CD70: variants seen among roughly 807,000 people sequenced by gnomAD.
CD70 encodes the protein CD70 antigen.
CD70 carries 6 observed loss-of-function variants against 9.0 expected under a neutral mutation model. The ratio of observed to expected loss-of-function variants is 0.67; its 90% CI spans 0.37 to 1.32. The LOEUF (loss-of-function observed/expected upper bound fraction) is 1.32. Among genes scored for constraint, CD70 ranks in the 40% most tolerant of loss-of-function variants. The pLI is 0.02. For missense variants in CD70, 235 were observed against 258.7 expected (o/e 0.91, Z 0.63); for synonymous variants, 108 against 112.3 (o/e 0.96, Z 0.24).
intron 2 of CD70, among the ~76,000 whole-genome samples, chr19:6,588,993 CA>C (rs1291601385): frequency 6.6e-6 from 1 of 152,130 alleles, no homozygotes; most frequent in Non-Finnish European, 1.5e-5. Flanking sequence ...CGTTTACTAA[CA>C]AAACCCCTTT....
At position 6,590,207 on chromosome 19, in the gene CD70, GCT is replaced by G; in HGVS notation, c.163-73_163-72del. ...GTTCTATGTGTCCCCTGTGCCAGGAGCTCTCTTTTCTCTGTCCATCCTCCTTT... is the reference window on the plus strand; with the variant it reads ...GTTCTATGTGTCCCCTGTGCCAGGAGCTCTTTTCTCTGTCCATCCTCCTTT... On this transcript the variant is annotated intron_variant, in intron 1 of 2. Transcript: ENST00000245903. The surrounding 1 kb of genome is among the most constrained non-coding windows in gnomAD (Gnocchi z 5.3). The G allele has an allele frequency of 1.6e-6, 2 of 1,256,710 alleles. No homozygotes were observed. The highest frequency in any genetic ancestry group is 1.2e-6 in the Non-Finnish European group (1 of 853,516). 77.8% of individuals were successfully genotyped at this position (1,256,710 alleles called of 1,614,324 possible).
Position 6,590,062 on chromosome 19 carries a change from T to G in CD70, c.196+41A>C, listed in dbSNP as rs1314250954. The G allele has an allele frequency of 6.4e-7, 1 of 1,567,366 alleles. No individual in the cohort carries two copies. The highest frequency in any genetic ancestry group is 8.8e-7 in the Non-Finnish European group (1 of 1,139,544). ...CTACCTCTCCTTCCTTCTCTCTCTG[T>G]GCCTCTTCTTCTCCCCGTCCCTCCA... On this transcript the variant is annotated intron_variant, in intron 2 of 2. Transcript: ENST00000245903. This position sits in a 1 kb window ranked among gnomAD's most constrained non-coding sequence, Gnocchi z 5.3.
In CD70 at chr19:6,591,095, G is replaced by A. The variant is rs1916149982; in HGVS notation, c.-93C>T. ...GGAAGGAAACTGCAGCCCCCTCCCG[G>A]GGCTCCTGGGCGTCTACTTGCTTCA... On this transcript the variant is annotated 5_prime_UTR_variant, in exon 1 of 3. Coordinates refer to ENST00000245903, the MANE Select transcript of CD70 (RefSeq NM_001252.5). The A allele has an allele frequency of 7.4e-7, 1 of 1,347,148 alleles. No homozygotes were observed. Among genetic ancestry groups the A allele is most frequent in the Non-Finnish European group, 9.9e-7 (1 of 1,014,236 alleles). The allele number at this position is 1,347,148 out of a possible 1,614,324, so 83.4% of individuals were successfully genotyped here.
chr19:6,590,302 T>C lies in CD70; in HGVS notation c.163-166A>G, dbSNP rs1326114422. 1.3e-5 allele frequency among the ~76,000 whole-genome samples: 2 copies of C among 152,124 alleles called. No individual in the cohort carries two copies. The highest frequency in any genetic ancestry group is 2.9e-5 in the Non-Finnish European group (2 of 68,022). On this transcript the variant is annotated intron_variant, in intron 1 of 2. Coordinates refer to ENST00000245903, the MANE Select transcript of CD70 (RefSeq NM_001252.5). This position sits in a 1 kb window ranked among gnomAD's most constrained non-coding sequence, Gnocchi z 5.3. ...TTTATTTTTTTTTACTCTTAAGACTTCTTAAAGAGGAAGCAGGTCTGAACC... is the reference window on the plus strand; with the variant it reads ...TTTATTTTTTTTTACTCTTAAGACTCCTTAAAGAGGAAGCAGGTCTGAACC...
In CD70 at chr19:6,590,838, CACCCCAA is replaced by C. The variant is rs1177721094; in HGVS notation, c.158_162+2del. On this transcript the variant is annotated splice_donor_variant and coding_sequence_variant, in exon 1 of 3. Coordinates refer to ENST00000245903, the MANE Select transcript of CD70 (RefSeq NM_001252.5). LOFTEE classifies it high-confidence loss of function. The surrounding 1 kb of genome is among the most constrained non-coding windows in gnomAD (Gnocchi z 5.3). ...TCTTCCCAACTTTTCCATCTCAACT[CACCCCAA>C]GTGACTCGAGCGGCAGCTGCTGCTG... is the stretch of plus-strand genomic sequence containing the variant. 6.2e-7 allele frequency: 1 copy of C among 1,611,138 alleles called. No individual in the cohort carries two copies. The highest frequency in any genetic ancestry group is 8.5e-7 in the Non-Finnish European group (1 of 1,178,592).
chr19:6,586,723 C>G (rs1031890141), intron 2 of CD70, among the ~76,000 whole-genome samples: 3 of 151,694 alleles, frequency 2.0e-5, no homozygotes, highest in Admixed American at 2.0e-4. Flanking sequence ...TCGCTTGAGC[C>G]TGGGAGGCTG....
At chr19:6,589,120 G>A (rs920072049) in intron 2 of CD70, among the ~76,000 whole-genome samples, 3 of 150,272 alleles carry the variant, frequency 2.0e-5, no homozygotes, top group East Asian at 1.9e-4. Context: ...TCTCTCTCTC[G>A]TTCTCTCCCT....
At chr19:6,587,429 T>TGA (rs1413916708) in intron 2 of CD70, among the ~76,000 whole-genome samples, 1 of 149,458 alleles carries the variant, frequency 6.7e-6, no homozygotes, top group Non-Finnish European at 1.5e-5. Context: ...AGTGTGTGTG[T>TGA]GAGAGAGGAT....
chr19:6,585,881 A>G lies in CD70; in HGVS notation c.*139T>C. The G allele has an allele frequency of 5.0e-6, 3 of 602,112 alleles. No homozygotes were observed. The South Asian group carries it at 7.3e-5, about 15-fold the overall frequency. 37.3% of individuals were successfully genotyped at this position (602,112 alleles called of 1,614,324 possible). A position where few individuals can be genotyped will look rare whatever the true frequency, so the allele number is the denominator to read the frequency against. Reference sequence around the variant, plus strand: ...AATAGGAAAATGAAAGAAAAAGCTCAATGCCTTCTCTTGTCCTGCCACCAC... The same window carrying G: ...AATAGGAAAATGAAAGAAAAAGCTCGATGCCTTCTCTTGTCCTGCCACCAC... On this transcript the variant is annotated 3_prime_UTR_variant, in exon 3 of 3. Transcript: ENST00000245903.
chr19:6,588,142 C>T (rs1214208827), intron 2 of CD70, among the ~76,000 whole-genome samples: 1 of 152,198 alleles, frequency 6.6e-6, no homozygotes, highest in African/African-American at 2.4e-5. Flanking sequence ...AGGAACTGAA[C>T]GGGGTCAAAC....
At chr19:6,586,873 G>GGA (rs964035783) in intron 2 of CD70, among the ~76,000 whole-genome samples, 4 of 132,954 alleles carry the variant, frequency 3.0e-5, no homozygotes, top group African/African-American at 1.1e-4. Flanking sequence ...GTAGAGACAG[G>GGA]GAGAGAGAGA....
At chr19:6,587,418 G>C (rs960124408) in intron 2 of CD70, among the ~76,000 whole-genome samples, 2 of 152,040 alleles carry the variant, frequency 1.3e-5, no homozygotes, top group African/African-American at 4.8e-5. Flanking sequence ...GTGCATGGGA[G>C]AGTGTGTGTG....
At position 6,586,022 on chromosome 19, in the gene CD70, A is replaced by G; in HGVS notation, c.580T>C (p.Ter194ArgextTer9). The G allele has an allele frequency of 6.2e-7, 1 of 1,605,516 alleles. No individual in the cohort carries two copies. Among genetic ancestry groups the G allele is most frequent in the Non-Finnish European group, 8.5e-7 (1 of 1,172,858 alleles). Residue 194 changes from the stop codon to arginine, a stop_lost, in exon 3 of 3, where the codon TGA becomes CGA. Transcript: ENST00000245903. ...TFFGVQWVRP[*>R] ...AAAACCCTAATCAGCAGCAGTGGTC[A>G]GGGGCGCACCCACTGCACTCCAAAG...
downstream of CD70, among the ~76,000 whole-genome samples, chr19:6,585,347 CTTTTTT>C (rs3055533): frequency 7.5e-6 from 1 of 133,968 alleles, no homozygotes. Flanking sequence ...GAAAACAGAA[CTTTTTT>C]TTTTTTTTTT....
Position 6,586,127 on chromosome 19 carries a change from T to C in CD70, c.475A>G (p.Thr159Ala), listed in dbSNP as rs1916009378. ...QGCTIASQRL[T>A]PLARGDTLCT... ...AGTGTGTCCCCTCGGGCCAGGGGCGTCAGGCGCTGGGAGGCAATGGTACAA... is the reference window on the plus strand; with the variant it reads ...AGTGTGTCCCCTCGGGCCAGGGGCGCCAGGCGCTGGGAGGCAATGGTACAA... The change falls in exon 3 of 3, where the codon ACG becomes GCG. Residue 159 changes from threonine to alanine, a missense_variant. Coordinates refer to ENST00000245903, the MANE Select transcript of CD70 (RefSeq NM_001252.5). 1 of 1,613,860 alleles carries C rather than the reference T, an allele frequency of 6.2e-7. No homozygotes were observed. The highest frequency in any genetic ancestry group is 1.3e-5 in the African/African-American group (1 of 74,864).
downstream of CD70, chr19:6,583,266 G>A (rs919904528): frequency 9.2e-6 from 6 of 652,206 alleles, no homozygotes; most frequent in Admixed American, 2.4e-5. Flanking sequence ...TGAGGTTCCA[G>A]CTGTTACAAA....
intron 2 of CD70, among the ~76,000 whole-genome samples, chr19:6,587,824 T>G (rs1355302076): frequency 6.6e-6 from 1 of 152,110 alleles, no homozygotes; most frequent in Non-Finnish European, 1.5e-5. Context: ...ATCTCCCACC[T>G]CAGCCTCCCG....
At chr19:6,584,610 A>C, downstream of CD70, among the ~76,000 whole-genome samples, 1 of 151,304 alleles carries the variant, frequency 6.6e-6, no homozygotes, top group East Asian at 1.9e-4. Context: ...CTGTAATCCC[A>C]GCACTTGGGG....
chr19:6,587,626 CT>C (rs35792677), intron 2 of CD70, among the ~76,000 whole-genome samples: 4 of 150,986 alleles, frequency 2.6e-5, no homozygotes, highest in African/African-American at 7.3e-5. Context: ...TCCCAGGACC[CT>C]TTTTTTTTCT....
Sources: allele counts gnomAD v4.1 joint callset (sites outside exome capture counted in the v4.1 genomes callset), GRCh38; gene constraint gnomAD v4.1.1; non-coding constraint Gnocchi (gnomAD v3.1); transcripts MANE v1.5; gene names NCBI Gene and HGNC (gene_info 2026-07-23, HGNC 2026-07-21).